Variants in SLC4A1AP observed in about 807,000 individuals in gnomAD.
SLC4A1AP encodes kanadaptin.
A neutral mutation model predicts 89.7 loss-of-function variants in SLC4A1AP; 64 were observed. The observed-to-expected ratio is 0.71, with a 90% confidence interval of 0.58 to 0.88. SLC4A1AP has a LOEUF of 0.88. Among genes scored for constraint, SLC4A1AP ranks in the 40% least tolerant of loss-of-function variants. SLC4A1AP has a pLI of 0.00. For missense variants in SLC4A1AP, 931 were observed against 965.0 expected, an observed-to-expected ratio of 0.96 and a Z score of 0.47; for synonymous variants, 366 against 353.3, an observed-to-expected ratio of 1.04 and a Z score of -0.40.
chr2:27,664,315 A>G (rs758797089), exon 1 of SLC4A1AP: 1 of 1,614,180 alleles, frequency 6.2e-7, no homozygotes, highest in South Asian at 1.1e-5. Flanking sequence ...GGGACGAGTT[A>G]CTGCCTTTTC....
At chr2:27,682,329 C>A in exon 9 of SLC4A1AP, 1 of 1,613,220 alleles carries the variant, frequency 6.2e-7, no homozygotes, top group South Asian at 1.1e-5. Context: ...AAGGAGGAAG[C>A]AAATTCAAAT....
At chr2:27,675,623 G>C in exon 6 of SLC4A1AP, 2 of 1,611,902 alleles carry the variant, frequency 1.2e-6, no homozygotes, top group Non-Finnish European at 8.5e-7. Flanking sequence ...GCCTGATTGA[G>C]AAGAAGCGTC....
intron 1 of SLC4A1AP, 112 bp downstream of exon 1, chr2:27,664,689 A>G (rs1050975884): frequency 1.2e-6 from 1 of 813,648 alleles, no homozygotes; most frequent in Non-Finnish European, 2.0e-6. Context: ...ACGAAAGTGA[A>G]GGAATCAAGT....
rs561379794 is a variant in SLC4A1AP, at chr2:27,668,183, C to G, written c.1145-660C>G. On this transcript the variant is annotated intron_variant, in intron 3 of 13. Coordinates refer to ENST00000613058, the Ensembl canonical transcript of SLC4A1AP. ...TTTTTTTTTGAGACGGAGTCTCGCTCTGTTGCCCAGGCTGGAGTGCAGTGG... is the reference window on the plus strand; with the variant it reads ...TTTTTTTTTGAGACGGAGTCTCGCTGTGTTGCCCAGGCTGGAGTGCAGTGG... Among the ~76,000 whole-genome samples the G allele has an allele frequency of 5.3e-3, 808 of 151,486 alleles. 6 individuals carry two copies. Among genetic ancestry groups the G allele is most frequent in the Non-Finnish European group, 8.5e-3 (576 of 67,932 alleles).
intron 3 of SLC4A1AP, 129 bp downstream of exon 3, chr2:27,667,519 C>T: frequency 1.6e-5 from 14 of 888,146 alleles, no homozygotes; most frequent in Non-Finnish European, 2.2e-5. Flanking sequence ...TCACTTTTTA[C>T]TCTTGTGGTC....
chr2:27,685,917 CTA>C (rs1157136359), intron 10 of SLC4A1AP, among the ~76,000 whole-genome samples: 1 of 152,038 alleles, frequency 6.6e-6, no homozygotes, highest in African/African-American at 2.4e-5. Context: ...ATTTTAGAAA[CTA>C]TAGATCATAC....
intron 8 of SLC4A1AP, among the ~76,000 whole-genome samples, chr2:27,679,660 A>G (rs1226963283): frequency 6.6e-6 from 1 of 152,214 alleles, no homozygotes; most frequent in Admixed American, 6.5e-5. Context: ...GCTGTTGAAA[A>G]AAAAGGCAAC....
At chr2:27,684,109 T>A (rs1295284676) in intron 9 of SLC4A1AP, among the ~76,000 whole-genome samples, 4 of 152,180 alleles carry the variant, frequency 2.6e-5, no homozygotes, top group African/African-American at 9.6e-5. Flanking sequence ...CCTTAGAGAA[T>A]TTTAGAACTA....
chr2:27,668,547 T>G lies in SLC4A1AP; in HGVS notation c.1145-296T>G, dbSNP rs1465742820. 5.5e-6 allele frequency: 3 copies of G among 545,960 alleles called. No individual in the cohort carries two copies. The East Asian group carries it at 1.3e-4, about 23-fold the overall frequency. 33.8% of individuals were successfully genotyped at this position (545,960 alleles called of 1,614,324 possible). ...TCACTGCAACCTTGACCTCCTGGGT[T>G]TAAGCTATGCTCCGGCCTTAGCCCC... On this transcript the variant is annotated intron_variant, in intron 3 of 13. Transcript: ENST00000613058.
At chr2:27,667,292 C>T (rs1288566128) in exon 3 of SLC4A1AP, 1 of 1,613,012 alleles carries the variant, frequency 6.2e-7, no homozygotes, top group Non-Finnish European at 8.5e-7. Flanking sequence ...GAGGATGATG[C>T]TGAAGAGAAC....
intron 6 of SLC4A1AP, among the ~76,000 whole-genome samples, chr2:27,676,594 G>A (rs549619703): frequency 7.2e-5 from 11 of 152,106 alleles, no homozygotes; most frequent in South Asian, 4.1e-4. Context: ...GGCTGAGGCC[G>A]GTGGATCACC....
At chr2:27,694,806 T>G in exon 14 of SLC4A1AP, 1 of 711,148 alleles carries the variant, frequency 1.4e-6, no homozygotes, top group Non-Finnish European at 2.3e-6. Flanking sequence ...TGACTGGCTT[T>G]TCGTTCTGTG....
At chr2:27,667,373 G>A in exon 3 of SLC4A1AP, 1 of 1,612,684 alleles carries the variant, frequency 6.2e-7, no homozygotes, top group South Asian at 1.1e-5. Context: ...GCTCTCCAAG[G>A]CTTTTTTGAC....
exon 1 of SLC4A1AP, chr2:27,664,127 C>T: frequency 4.3e-6 from 7 of 1,614,178 alleles, no homozygotes; most frequent in Non-Finnish European, 5.9e-6. Context: ...AGCCGGACTG[C>T]GGTGATTTTA....
chr2:27,675,724 T>C, intron 6 of SLC4A1AP, 32 bp downstream of exon 6: 1 of 1,420,234 alleles, frequency 7.0e-7, no homozygotes, highest in Non-Finnish European at 9.5e-7. Flanking sequence ...AGCTGTGGTA[T>C]TTAATAGTTT....
intron 10 of SLC4A1AP, 152 bp from the exon 11 acceptor site, chr2:27,687,782 T>C (rs1675725752): frequency 1.7e-6 from 1 of 583,026 alleles, no homozygotes; most frequent in Non-Finnish European, 3.0e-6. Flanking sequence ...TGAAACATAT[T>C]TATTTAAAAC....
chr2:27,678,005 A>G, intron 8 of SLC4A1AP, 81 bp downstream of exon 8: 1 of 923,780 alleles, frequency 1.1e-6, no homozygotes, highest in Non-Finnish European at 1.6e-6. Flanking sequence ...ATCTTCTTAA[A>G]TAATCATTAT....
At chr2:27,666,870 TA>T (rs759680836) in intron 2 of SLC4A1AP, among the ~76,000 whole-genome samples, 142 of 52,006 alleles carry the variant, frequency 2.7e-3, no homozygotes, top group African/African-American at 7.7e-3. Context: ...TATATATATA[TA>T]TTTTTTTTTT....
At chr2:27,690,732 TG>T (rs1012979064) in intron 12 of SLC4A1AP, among the ~76,000 whole-genome samples, 6 of 152,124 alleles carry the variant, frequency 3.9e-5, no homozygotes, top group African/African-American at 1.2e-4. Flanking sequence ...CAAATGATCC[TG>T]GGATGCTGAC....
Sources: allele counts gnomAD v4.1 joint callset (sites outside exome capture counted in the v4.1 genomes callset), GRCh38; gene constraint gnomAD v4.1.1; transcripts MANE v1.5; gene names NCBI Gene and HGNC (gene_info 2026-07-23, HGNC 2026-07-21).